CTNNA2: variants seen among roughly 807,000 people sequenced by gnomAD.
The protein encoded by CTNNA2 is catenin alpha-2.
CTNNA2 carries 42 observed loss-of-function variants against 101.0 expected under a neutral mutation model. That is an observed-to-expected ratio of 0.42 (90% CI 0.32 to 0.54). The LOEUF (loss-of-function observed/expected upper bound fraction) is 0.54. CTNNA2 is among the 20% of genes least tolerant of loss of function. The pLI is 0.14. For missense variants in CTNNA2, 871 were observed against 1,223.1 expected (o/e 0.71, Z 4.29); for synonymous variants, 450 against 456.4 (o/e 0.99, Z 0.18).
intron 15 of CTNNA2, among the ~76,000 whole-genome samples, chr2:80,594,843 A>T (rs942985449): frequency 6.6e-6 from 1 of 151,868 alleles, no homozygotes; most frequent in Non-Finnish European, 1.5e-5. Context: ...ATAAGGATCT[A>T]TTTCTGAACT....
At chr2:79,558,525 A>C (rs568633385) in intron 1 of CTNNA2, among the ~76,000 whole-genome samples, 1 of 152,058 alleles carries the variant, frequency 6.6e-6, no homozygotes, top group African/African-American at 2.4e-5. Context: ...TGTAATAGGG[A>C]AGATAACAAA....
In CTNNA2 at chr2:79,666,970, C is replaced by T. The variant is rs573969788; in HGVS notation, c.102+15312C>T. Among the ~76,000 whole-genome samples, 173 of 151,942 alleles carry T rather than the reference C, an allele frequency of 1.1e-3. 1 individual carries two copies. Among genetic ancestry groups the T allele is most frequent in the African/African-American group, 4.0e-3 (164 of 41,452 alleles). On this transcript the variant is annotated intron_variant, in intron 2 of 18. Coordinates refer to ENST00000402739, the MANE Select transcript of CTNNA2 (RefSeq NM_001282597.3). ...GCCAAGACCTTGGCTTCTAAGTCTC[C>T]TTTTTTTTAAGATCAGGAAGGAACC...
intron 7 of CTNNA2, among the ~76,000 whole-genome samples, chr2:80,390,851 G>A (rs1191594193): frequency 6.6e-6 from 1 of 151,904 alleles, no homozygotes; most frequent in Non-Finnish European, 1.5e-5. Flanking sequence ...ATTACATTAG[G>A]TCGGGCGTGG....
intron 3 of CTNNA2, among the ~76,000 whole-genome samples, chr2:79,769,706 G>A (rs943192832): frequency 6.6e-6 from 1 of 152,086 alleles, no homozygotes; most frequent in Non-Finnish European, 1.5e-5. Context: ...AGGATGAGTT[G>A]AGGAAGCGTT....
chr2:79,621,418 T>C (rs1289395559), intron 1 of CTNNA2, among the ~76,000 whole-genome samples: 3 of 152,136 alleles, frequency 2.0e-5, no homozygotes, highest in African/African-American at 7.2e-5. Flanking sequence ...AAAGTAAGGA[T>C]ATAATCAAAC....
At chr2:79,717,727 T>G (rs1686199672) in intron 2 of CTNNA2, among the ~76,000 whole-genome samples, 1 of 152,134 alleles carries the variant, frequency 6.6e-6, no homozygotes, top group African/African-American at 2.4e-5. Context: ...AGAAAAACAG[T>G]TGAAGTGTCA....
intron 3 of CTNNA2, among the ~76,000 whole-genome samples, chr2:79,848,015 TAGG>T (rs1399556054): frequency 6.6e-6 from 1 of 152,192 alleles, no homozygotes; most frequent in African/African-American, 2.4e-5. Flanking sequence ...GTCATGGTTG[TAGG>T]AGAATACAGG....
At chr2:80,111,699 G>A (rs769153087) in intron 7 of CTNNA2, among the ~76,000 whole-genome samples, 4 of 152,000 alleles carry the variant, frequency 2.6e-5, no homozygotes, top group South Asian at 2.1e-4. Flanking sequence ...GCACCACCAC[G>A]CTAGGCTAAT....
chr2:79,231,004 T>C (rs1477121064), intron 2 of CTNNA2, among the ~76,000 whole-genome samples: 1 of 152,180 alleles, frequency 6.6e-6, no homozygotes, highest in Non-Finnish European at 1.5e-5. Context: ...CTGACTTGCT[T>C]TTAATTTTAC....
At chr2:80,090,765 A>C (rs964539265) in intron 7 of CTNNA2, among the ~76,000 whole-genome samples, 5 of 152,096 alleles carry the variant, frequency 3.3e-5, no homozygotes, top group Non-Finnish European at 5.9e-5. Flanking sequence ...GATTCCCTGC[A>C]TGAGTATAGT....
chr2:79,446,551 G>A (rs1415190365), intron 4 of CTNNA2, among the ~76,000 whole-genome samples: 1 of 152,030 alleles, frequency 6.6e-6, no homozygotes, highest in Non-Finnish European at 1.5e-5. Context: ...CTCACATAAA[G>A]CTTAACTACT....
Position 79,331,794 on chromosome 2 carries a change from A to G in CTNNA2, c.-318+18998A>G, listed in dbSNP as rs138444674. ...AACTCCATAGTTCTGAAGGCTAATT[A>G]TCAAAAGGATTCAGCAAAAAGGGGG... On this transcript the variant is annotated intron_variant, in intron 3 of 21. Transcript: ENST00000466387. 3.0e-3 allele frequency among the ~76,000 whole-genome samples: 457 copies of G among 152,346 alleles called. 1 individual carries two copies. The highest frequency in any genetic ancestry group is 0.011 in the African/African-American group (439 of 41,588).
intron 1 of CTNNA2, among the ~76,000 whole-genome samples, chr2:79,543,839 G>T (rs541570244): frequency 6.6e-6 from 1 of 152,236 alleles, no homozygotes; most frequent in South Asian, 2.1e-4. Flanking sequence ...AATAAAAAAA[G>T]ACTTTGTGAT....
intron 3 of CTNNA2, among the ~76,000 whole-genome samples, chr2:79,807,795 T>C (rs886584291): frequency 1.5e-4 from 23 of 152,142 alleles, no homozygotes; most frequent in African/African-American, 5.5e-4. Context: ...TACTAAGATA[T>C]TGTTCTGAGG....
intron 18 of CTNNA2, among the ~76,000 whole-genome samples, chr2:80,622,409 G>A (rs1030868586): frequency 1.1e-4 from 16 of 151,876 alleles, no homozygotes; most frequent in African/African-American, 3.9e-4. Context: ...ATTTAGAAAC[G>A]TCAGATGGTG....
chr2:79,913,963 C>T (rs1050896155), intron 7 of CTNNA2, among the ~76,000 whole-genome samples: 1 of 151,866 alleles, frequency 6.6e-6, no homozygotes, highest in African/African-American at 2.4e-5. Flanking sequence ...GTCAGGAGAT[C>T]GAGACCATCC....
intron 2 of CTNNA2, among the ~76,000 whole-genome samples, chr2:79,298,561 G>T (rs920472033): frequency 2.0e-5 from 3 of 152,128 alleles, no homozygotes; most frequent in African/African-American, 7.2e-5. Context: ...CTCTTCAGGA[G>T]TCTCCTTCCT....
chr2:80,160,292 C>T (rs1299795155), intron 7 of CTNNA2, among the ~76,000 whole-genome samples: 3 of 152,124 alleles, frequency 2.0e-5, no homozygotes, highest in African/African-American at 7.2e-5. Flanking sequence ...AGTTCCTTTG[C>T]CTTCTCATAT....
At chr2:79,971,606 T>A (rs1395295628) in intron 7 of CTNNA2, among the ~76,000 whole-genome samples, 2 of 152,174 alleles carry the variant, frequency 1.3e-5, no homozygotes, top group African/African-American at 4.8e-5. Context: ...TTTAACGTAT[T>A]GTCTTACATC....
Sources: allele counts gnomAD v4.1 joint callset (sites outside exome capture counted in the v4.1 genomes callset), GRCh38; gene constraint gnomAD v4.1.1; transcripts MANE v1.5; gene names NCBI Gene and HGNC (gene_info 2026-07-23, HGNC 2026-07-21).